The following RBM6 variants were observed in gnomAD, a reference collection of about 807,000 sequenced individuals.
The protein encoded by RBM6 is RNA binding motif protein 6.
Under a neutral mutation model 140.4 loss-of-function variants are expected in RBM6, and 23 were observed. The ratio of observed to expected loss-of-function variants is 0.16; its 90% CI spans 0.12 to 0.23. The LOEUF (loss-of-function observed/expected upper bound fraction) is 0.23. Among genes scored for constraint, RBM6 ranks in the 10% least tolerant of loss-of-function variants. The probability of loss-of-function intolerance (pLI) is 1.00; values close to 1 mark genes in which losing one functional copy is unlikely to be tolerated. For synonymous variants in RBM6, 439 were observed against 475.6 expected, an observed-to-expected ratio of 0.92 and a Z score of 1.00; for missense variants, 1,139 against 1,386.7, an observed-to-expected ratio of 0.82 and a Z score of 2.84.
chr3:50,029,732 C>A (rs1203811112), intron 6 of RBM6, among the ~76,000 whole-genome samples: 1 of 151,154 alleles, frequency 6.6e-6, no homozygotes, highest in Admixed American at 6.6e-5. Context: ...GACTCTGTCT[C>A]AAAAAATAAT....
intron 1 of RBM6, among the ~76,000 whole-genome samples, chr3:49,947,986 C>T (rs566854060): frequency 2.6e-5 from 4 of 152,186 alleles, no homozygotes; most frequent in African/African-American, 7.2e-5. Flanking sequence ...CCCAGCTACT[C>T]GGGAGGCTGA....
intron 5 of RBM6, among the ~76,000 whole-genome samples, chr3:49,991,276 A>G (rs2085808761): frequency 6.6e-6 from 1 of 152,272 alleles, no homozygotes; most frequent in South Asian, 2.1e-4. Context: ...ATGTAGATGT[A>G]TTCACCAATC....
At chr3:49,981,200 T>G (rs1275450445) in intron 5 of RBM6, among the ~76,000 whole-genome samples, 1 of 152,162 alleles carries the variant, frequency 6.6e-6, no homozygotes, top group Non-Finnish European at 1.5e-5. Flanking sequence ...GCGTCCGGCC[T>G]ATATTTTATC....
At chr3:50,063,653 C>T (rs2090020681) in intron 15 of RBM6, among the ~76,000 whole-genome samples, 2 of 151,548 alleles carry the variant, frequency 1.3e-5, no homozygotes, top group African/African-American at 2.4e-5. Flanking sequence ...GTAATCCCAG[C>T]ACTTTGAGAG....
At position 49,968,515 on chromosome 3, in the gene RBM6, G is replaced by T. The variant is rs374241916; in HGVS notation, c.1090G>T (p.Val364Phe). 4.3e-6 allele frequency: 7 copies of T among 1,614,102 alleles called. No individual in the cohort carries two copies. The highest frequency in any genetic ancestry group is 5.9e-6 in the Non-Finnish European group (7 of 1,180,056). ...AGACTTTCAGAACAGCCAAAGTCCA[G>T]TTCAAGACCAAGATAAGTCACAGCT... ...PADFQNSQSP[V>F]QDQDKSQLSG... Residue 364 changes from valine to phenylalanine, a missense_variant, in exon 3 of 21, where the codon GTT becomes TTT. Transcript: ENST00000266022.
At position 49,972,155 on chromosome 3, in the gene RBM6, C is replaced by A; in HGVS notation, c.1413+7C>A. ...AGATGCCACAAAAGAAGAGGTAAGG[C>A]ATGTCTTCTCTCCTGTTTCTCTGTG... is the stretch of plus-strand genomic sequence containing the variant. On this transcript the variant is annotated splice_region_variant and intron_variant, in intron 4 of 20. Transcript: ENST00000266022. 1.3e-6 allele frequency: 2 copies of A among 1,581,986 alleles called. No individual in the cohort carries two copies. Among genetic ancestry groups the A allele is most frequent in the Non-Finnish European group, 1.7e-6 (2 of 1,153,632 alleles).
chr3:50,075,078 C>A, intron 19 of RBM6, 123 bp from the exon 20 acceptor site: 1 of 1,173,168 alleles, frequency 8.5e-7, no homozygotes, highest in Non-Finnish European at 1.2e-6. Flanking sequence ...ATCGCCTGAA[C>A]CCAGGAGGCA....
chr3:50,032,500 A>G (rs1027540087), intron 6 of RBM6, among the ~76,000 whole-genome samples: 6 of 151,166 alleles, frequency 4.0e-5, no homozygotes, highest in African/African-American at 1.5e-4. Flanking sequence ...AAAAAAAAAA[A>G]GCAGGGATTT....
chr3:49,997,040 A>G (rs543291023), intron 5 of RBM6, among the ~76,000 whole-genome samples: 111 of 152,326 alleles, frequency 7.3e-4, no homozygotes, highest in African/African-American at 2.5e-3. Context: ...AGTATATACA[A>G]AGTATTTAGA....
intron 6 of RBM6, among the ~76,000 whole-genome samples, chr3:50,036,326 T>C (rs1236496729): frequency 6.6e-6 from 1 of 152,228 alleles, no homozygotes; most frequent in Non-Finnish European, 1.5e-5. Flanking sequence ...CTGTGATAGA[T>C]TGCCAAGGCA....
At chr3:50,031,090 T>C (rs1185193240) in intron 6 of RBM6, among the ~76,000 whole-genome samples, 1 of 152,214 alleles carries the variant, frequency 6.6e-6, no homozygotes, top group African/African-American at 2.4e-5. Context: ...CAACAGGTGC[T>C]GGAGAGGATG....
intron 6 of RBM6, among the ~76,000 whole-genome samples, chr3:50,023,736 A>G (rs1026884370): frequency 8.2e-5 from 12 of 146,926 alleles, no homozygotes; most frequent in Admixed American, 2.1e-4. Flanking sequence ...GCTTACTGCA[A>G]CCTCCGAGTT....
chr3:50,047,020 C>A, intron 6 of RBM6: 1 of 256,478 alleles, frequency 3.9e-6, no homozygotes, highest in Non-Finnish European at 6.1e-6. Context: ...TATCATTGTC[C>A]TTAGCCTTGA....
At chr3:49,942,738 C>A (rs1221609171) in intron 1 of RBM6, among the ~76,000 whole-genome samples, 1 of 151,918 alleles carries the variant, frequency 6.6e-6, no homozygotes, top group African/African-American at 2.4e-5. Flanking sequence ...ACTAAAAATA[C>A]AAAAATTAGC....
intron 6 of RBM6, among the ~76,000 whole-genome samples, chr3:50,000,061 G>C (rs776056376): frequency 3.3e-5 from 5 of 152,166 alleles, no homozygotes; most frequent in Non-Finnish European, 7.3e-5. Context: ...AATTGGAGTT[G>C]CATACTCAAG....
At chr3:49,958,744 C>T (rs1274862442) in intron 1 of RBM6, among the ~76,000 whole-genome samples, 2 of 148,208 alleles carry the variant, frequency 1.3e-5, no homozygotes, top group African/African-American at 4.9e-5. Flanking sequence ...GAGCGAGACT[C>T]CATTTCAAAA....
Position 50,058,533 on chromosome 3 carries a change from T to A in RBM6, c.2101T>A (p.Tyr701Asn). The A allele has an allele frequency of 6.2e-7, 1 of 1,611,418 alleles. No individual in the cohort carries two copies. The highest frequency in any genetic ancestry group is 8.5e-7 in the Non-Finnish European group (1 of 1,177,574). The change falls in exon 10 of 21, where the codon TAT becomes AAT. Residue 701 changes from tyrosine to asparagine, a missense_variant. Tyr to Asn is a moderately radical substitution (Grantham distance 143). Around this residue, in one of 9 missense-constraint regions of RBM6, gnomAD observed 47 missense variants for 117.6 expected, o/e 0.40. Coordinates refer to ENST00000266022, the MANE Select transcript of RBM6 (RefSeq NM_005777.3). ...KNRTGPMGHT[Y>N]GFIDLDSHAE... ...CAGAACAGGCCCTATGGGGCATACC[T>A]ATGGCTTTATTGACCTCGACTCCCA...
intron 1 of RBM6, among the ~76,000 whole-genome samples, chr3:49,956,756 C>T (rs1048530833): frequency 3.9e-5 from 6 of 152,048 alleles, no homozygotes; most frequent in African/African-American, 1.4e-4. Flanking sequence ...GCCTCCGCCT[C>T]CTGGGTTCAA....
At chr3:50,037,148 C>G (rs1048191112) in intron 6 of RBM6, among the ~76,000 whole-genome samples, 44 of 152,086 alleles carry the variant, frequency 2.9e-4, no homozygotes, top group Non-Finnish European at 2.9e-5. Flanking sequence ...ACCTGTAATT[C>G]CAGCCCTTTG....
Sources: allele counts gnomAD v4.1 joint callset (sites outside exome capture counted in the v4.1 genomes callset), GRCh38; gene constraint gnomAD v4.1.1; regional missense constraint gnomAD v4.1.1; transcripts MANE v1.5; gene names NCBI Gene and HGNC (gene_info 2026-07-23, HGNC 2026-07-21).